Variants in CASP2 observed in about 807,000 individuals in gnomAD.
The protein encoded by CASP2 is caspase-2.
CASP2 carries 38 observed loss-of-function variants against 54.4 expected under a neutral mutation model. The observed-to-expected ratio is 0.70, with a 90% CI of 0.54 to 0.92. CASP2 has a LOEUF of 0.92. Among genes scored for constraint, CASP2 ranks in the 40% least tolerant of loss-of-function variants. The probability of loss-of-function intolerance (pLI) is 0.00; values close to 1 mark genes in which losing one functional copy is unlikely to be tolerated. For missense variants in CASP2, 512 were observed against 579.6 expected (o/e 0.88, Z 1.20); for synonymous variants, 215 against 216.3 (o/e 0.99, Z 0.05).
At chr7:143,304,834 T>TCC (rs1435620183) in intron 10 of CASP2, 51 bp downstream of exon 10, 1 of 1,605,684 alleles carries the variant, frequency 6.2e-7, no homozygotes. Context: ...TGCTCTACTT[T>TCC]CCTCCTCTCT....
intron 6 of CASP2, among the ~76,000 whole-genome samples, chr7:143,296,594 G>A (rs773165320): frequency 6.6e-6 from 1 of 152,150 alleles, no homozygotes; most frequent in Non-Finnish European, 1.5e-5. Flanking sequence ...AAATGTGTGT[G>A]TTATAAACCA....
chr7:143,300,005 A>T lies in CASP2; in HGVS notation c.830A>T (p.His277Leu). Reference sequence around the variant, plus strand: ...TCCTGCATCGTGGCACTCCTCTCGCATGGTGTGGAGGGCGCCATCTATGGT... The same window carrying T: ...TCCTGCATCGTGGCACTCCTCTCGCTTGGTGTGGAGGGCGCCATCTATGGT... The part of the protein sequence containing the change: ...TDSCIVALLS[H>L]GVEGAIYGVD... The change falls in exon 7 of 11, where the codon CAT becomes CTT. Residue 277 changes from histidine (H) to leucine (L), a missense_variant. This residue lies in a region of CASP2 where 417 missense variants were observed against 495.4 expected (regional missense o/e 0.84). Transcript: ENST00000310447. The T allele has an allele frequency of 1.9e-6, 3 of 1,614,036 alleles. No homozygotes were observed. Among genetic ancestry groups the T allele is most frequent in the Non-Finnish European group, 2.5e-6 (3 of 1,179,980 alleles).
At chr7:143,292,259 G>A (rs558810980) in intron 2 of CASP2, 41 bp from the exon 3 acceptor site, 179 of 1,600,084 alleles carry the variant, frequency 1.1e-4, no homozygotes, top group Non-Finnish European at 1.4e-4. Flanking sequence ...ATTATAGCTA[G>A]AGAAGTAAAT....
At chr7:143,291,383 T>G (rs1252251058) in intron 1 of CASP2, among the ~76,000 whole-genome samples, 157 bp from the exon 2 acceptor site, 2 of 152,258 alleles carry the variant, frequency 1.3e-5, no homozygotes, top group African/African-American at 2.4e-5. Flanking sequence ...GTGTTCCTGC[T>G]TAGTACATCT....
In CASP2 at chr7:143,303,943, G is replaced by A. The variant is rs2116806930; in HGVS notation, c.1117+10G>A. On this transcript the variant is annotated intron_variant, in intron 9 of 10. Transcript: ENST00000310447. ...TATGCCTGCCTCAAAGGTACTTTGAGTTCCAAAAGAGTTGAGTCATACCTC... is the reference window on the plus strand; with the variant it reads ...TATGCCTGCCTCAAAGGTACTTTGAATTCCAAAAGAGTTGAGTCATACCTC... 1 of 1,575,912 alleles carries A rather than the reference G, an allele frequency of 6.3e-7. No homozygotes were observed. Among genetic ancestry groups the A allele is most frequent in the Non-Finnish European group, 8.6e-7 (1 of 1,160,120 alleles).
intron 4 of CASP2, 83 bp from the exon 5 acceptor site, chr7:143,294,147 A>C: frequency 2.4e-6 from 2 of 825,778 alleles, no homozygotes; most frequent in East Asian, 2.4e-5. Context: ...CCCAGTTGCA[A>C]GAGATGTCTG....
At chr7:143,291,808 A>C in intron 2 of CASP2, 118 bp downstream of exon 2, 4 of 621,736 alleles carry the variant, frequency 6.4e-6, no homozygotes. Context: ...TTTGAGACAG[A>C]GTCTCTGTCT....
chr7:143,303,079 C>T (rs953343567), intron 8 of CASP2: 3 of 150,860 alleles, frequency 2.0e-5, no homozygotes, highest in East Asian at 1.9e-4. Flanking sequence ...GCCTGGTCAA[C>T]GTAGCAAGAC....
chr7:143,301,728 G>A (rs1186102334), intron 8 of CASP2: 4 of 152,306 alleles, frequency 2.6e-5, no homozygotes, highest in East Asian at 1.9e-4. Context: ...GGCATGTTGT[G>A]TCTCCCCTCC....
intron 9 of CASP2, 44 bp from the exon 10 acceptor site, chr7:143,304,628 CTG>C (rs4647336): frequency 0.027 from 37,220 of 1,390,624 alleles, 602 homozygotes; most frequent in Non-Finnish European, 0.032. Context: ...GGAAGTGCAG[CTG>C]TGTGATGGCA....
Position 143,292,278 on chromosome 7 carries a change from A to T in CASP2, c.226-22A>T, listed in dbSNP as rs371459424. 3.3e-4 allele frequency: 531 copies of T among 1,612,300 alleles called. 1 individual carries two copies. Among genetic ancestry groups the T allele is most frequent in the Middle Eastern group, 6.6e-4 (4 of 6,066 alleles). On this transcript the variant is annotated intron_variant, in intron 2 of 10. Transcript: ENST00000310447. ...TAGCTAGAGAAGTAAATATGATTTCATGTTTTATTCTTGTGTCTTAGGCCA... is the reference window on the plus strand; with the variant it reads ...TAGCTAGAGAAGTAAATATGATTTCTTGTTTTATTCTTGTGTCTTAGGCCA...
chr7:143,292,806 T>G (rs1228902624), intron 4 of CASP2, 108 bp downstream of exon 4: 1 of 831,910 alleles, frequency 1.2e-6, no homozygotes, highest in Non-Finnish European at 2.1e-6. Context: ...AGGTCAGGAG[T>G]TCGAGACCAG....
rs1483823126 is a variant in CASP2, at chr7:143,306,553, G to A, written c.*1482G>A. 6.7e-6 allele frequency: 1 copy of A among 148,570 alleles called. No homozygotes were observed. The highest frequency in any genetic ancestry group is 2.5e-5 in the African/African-American group (1 of 40,362). 9.2% of individuals were successfully genotyped at this position (148,570 alleles called of 1,614,324 possible). ...ATTACAGGCGTGAGCCACTGCGCCC[G>A]GGCAAGACCTTTTTTTAAAAAAAAA... On this transcript the variant is annotated 3_prime_UTR_variant, in exon 11 of 11. Transcript: ENST00000310447.
In CASP2 at chr7:143,292,706, T is replaced by C; in HGVS notation, c.475+8T>C. 2 of 1,610,226 alleles carry C rather than the reference T, an allele frequency of 1.2e-6. No homozygotes were observed. The highest frequency in any genetic ancestry group is 1.1e-5 in the South Asian group (1 of 90,948). On this transcript the variant is annotated splice_region_variant and intron_variant, in intron 4 of 10. Transcript: ENST00000310447. ...AGCTCCGCCTGTCGACAGGTGAGAA[T>C]TGATGGACTAAAAGGGGTCCCAGGC...
intron 9 of CASP2, among the ~76,000 whole-genome samples, chr7:143,304,436 A>T (rs1427416021): frequency 1.3e-5 from 2 of 152,174 alleles, no homozygotes; most frequent in Non-Finnish European, 2.9e-5. Context: ...ACACTGGGAG[A>T]CCTGAAAATT....
intron 5 of CASP2, 61 bp downstream of exon 5, chr7:143,294,385 A>G: frequency 8.2e-7 from 1 of 1,219,820 alleles, no homozygotes; most frequent in Non-Finnish European, 1.2e-6. Flanking sequence ...CTTCCTGGGA[A>G]CCTGAACTTA....
chr7:143,294,549 T>A, intron 5 of CASP2, 48 bp from the exon 6 acceptor site: 2 of 1,533,404 alleles, frequency 1.3e-6, no homozygotes, highest in Non-Finnish European at 1.8e-6. Flanking sequence ...AGCCGAGGAA[T>A]CATCTGTTAT....
At chr7:143,298,579 T>C (rs1029730152) in intron 6 of CASP2, 5 of 152,222 alleles carry the variant, frequency 3.3e-5, no homozygotes, top group African/African-American at 1.2e-4. Flanking sequence ...AGAAGATTCC[T>C]TGAGCCCAGG....
At chr7:143,303,323 C>T (rs1801972633) in intron 8 of CASP2, 1 of 158,624 alleles carries the variant, frequency 6.3e-6, no homozygotes, top group Admixed American at 6.0e-5. Context: ...CATATGGTAA[C>T]CGTATTTGTT....
Sources: gnomAD v4.1 joint callset for allele counts (sites outside exome capture counted in the v4.1 genomes callset) on GRCh38, gnomAD v4.1.1 for gene constraint, gnomAD v4.1.1 regional missense constraint, MANE v1.5 for transcripts, NCBI Gene and HGNC (gene_info 2026-07-23, HGNC 2026-07-21) for gene names.